The following PHF20L1 variants were observed in gnomAD, a reference collection of about 807,000 sequenced individuals.
The protein encoded by PHF20L1 is PHD finger protein 20 like 1, also known as PHD finger protein 20-like protein 1.
Under a neutral mutation model 125.5 loss-of-function variants are expected in PHF20L1, and 44 were observed. That is an observed-to-expected ratio of 0.35 (90% CI 0.28 to 0.45). The LOEUF (loss-of-function observed/expected upper bound fraction) is 0.45. Among genes scored for constraint, PHF20L1 ranks in the 20% least tolerant of loss-of-function variants. The pLI is 1.00. For synonymous variants in PHF20L1, 380 were observed against 403.1 expected (o/e 0.94, Z 0.69); for missense variants, 1,012 against 1,217.2 (o/e 0.83, Z 2.51).
At chr8:132,777,263 C>T (rs1386118655) in intron 1 of PHF20L1, among the ~76,000 whole-genome samples, 3 of 152,186 alleles carry the variant, frequency 2.0e-5, no homozygotes, top group African/African-American at 7.2e-5. Flanking sequence ...GTGGTATCTT[C>T]ACTGGCAGAG....
chr8:132,804,801 T>A, intron 8 of PHF20L1, 61 bp downstream of exon 8: 1 of 1,383,836 alleles, frequency 7.2e-7, no homozygotes, highest in Non-Finnish European at 1.0e-6. Context: ...TTAGAGTAAT[T>A]TATTTTTAAT....
intron 19 of PHF20L1, chr8:132,843,346 T>A (rs1196896350): frequency 1.0e-6 from 1 of 979,434 alleles, no homozygotes; most frequent in Non-Finnish European, 1.2e-6. Flanking sequence ...CTATGTGCAT[T>A]GGACATCTAT....
At chr8:132,788,725 G>T (rs1831338687) in intron 2 of PHF20L1, 1 of 152,044 alleles carries the variant, frequency 6.6e-6, no homozygotes, top group African/African-American at 2.4e-5. Flanking sequence ...TGAATGCAAA[G>T]AAATTTTTAA....
rs906148293 is a variant in PHF20L1, at chr8:132,846,284, T to G, written c.*361T>G. On this transcript the variant is annotated 3_prime_UTR_variant, in exon 21 of 21. Transcript: ENST00000395386. ...TATGGTATATTTGTATAGTTTTTAA[T>G]AGAAAGATCTATGTTTATAAACCAG... 5.7e-5 allele frequency: 9 copies of G among 159,198 alleles called. No homozygotes were observed. Among genetic ancestry groups the G allele is most frequent in the Non-Finnish European group, 1.2e-4 (9 of 72,382 alleles). 9.9% of individuals were successfully genotyped at this position (159,198 alleles called of 1,614,324 possible). A position where few individuals can be genotyped will look rare whatever the true frequency, so the allele number is the denominator to read the frequency against.
chr8:132,797,065 G>T (rs958559610), intron 4 of PHF20L1, among the ~76,000 whole-genome samples: 2 of 152,106 alleles, frequency 1.3e-5, no homozygotes, highest in African/African-American at 4.8e-5. Flanking sequence ...AGAAAATTCA[G>T]CTTACCTTAG....
At chr8:132,811,661 A>G in intron 9 of PHF20L1, 1 of 985,150 alleles carries the variant, frequency 1.0e-6, no homozygotes, top group Non-Finnish European at 1.2e-6. Context: ...CACCTAATAG[A>G]GGAATTTAAA....
chr8:132,800,687 G>T (rs1352385079), intron 6 of PHF20L1, among the ~76,000 whole-genome samples: 1 of 151,702 alleles, frequency 6.6e-6, no homozygotes, highest in Non-Finnish European at 1.5e-5. Flanking sequence ...GCAAACCTCC[G>T]AAGTAATTAA....
chr8:132,831,007 C>T (rs2131835969), intron 14 of PHF20L1, among the ~76,000 whole-genome samples: 1 of 152,132 alleles, frequency 6.6e-6, no homozygotes, highest in South Asian at 2.1e-4. Context: ...AAATCTTCCC[C>T]TTATTTGCCA....
chr8:132,811,995 T>C, intron 9 of PHF20L1: 2 of 982,408 alleles, frequency 2.0e-6, no homozygotes, highest in Non-Finnish European at 2.4e-6. Context: ...TGTATTGAGT[T>C]TTTCAGGGTT....
At chr8:132,833,322 A>G (rs1007266391) in intron 15 of PHF20L1, among the ~76,000 whole-genome samples, 1 of 152,090 alleles carries the variant, frequency 6.6e-6, no homozygotes, top group African/African-American at 2.4e-5. Flanking sequence ...GTTATGGAGA[A>G]AGCATTTTCT....
chr8:132,793,491 A>G (rs1222575920), intron 2 of PHF20L1, among the ~76,000 whole-genome samples: 1 of 152,178 alleles, frequency 6.6e-6, no homozygotes, highest in Admixed American at 6.5e-5. Context: ...TGAATTTAGC[A>G]AAAGCTAGGA....
chr8:132,778,036 T>G, intron 2 of PHF20L1, 125 bp downstream of exon 2: 3 of 618,508 alleles, frequency 4.9e-6, no homozygotes, highest in Non-Finnish European at 8.5e-6. Context: ...CGATTACACA[T>G]ATATGTTGTT....
At chr8:132,812,132 C>A (rs235432) in intron 9 of PHF20L1, 412,498 of 975,604 alleles carry the variant, frequency 0.42, 88,102 homozygotes, top group South Asian at 0.52. Context: ...TGTGATCATC[C>A]AACGGTTAAG....
At chr8:132,824,605 A>G (rs1292946236) in intron 13 of PHF20L1, 1 of 159,878 alleles carries the variant, frequency 6.3e-6, no homozygotes, top group African/African-American at 2.4e-5. Flanking sequence ...AGTTGGAGCA[A>G]TAGCTAGTAG....
intron 12 of PHF20L1, among the ~76,000 whole-genome samples, chr8:132,821,401 T>C (rs1481344919): frequency 2.0e-5 from 3 of 151,956 alleles, no homozygotes; most frequent in Non-Finnish European, 4.4e-5. Context: ...AAAAAGCATC[T>C]TGTCAGTTCT....
At position 132,817,446 on chromosome 8, in the gene PHF20L1, C is replaced by T. The variant is rs765873548; in HGVS notation, c.1480C>T (p.Arg494Cys). 5.6e-6 allele frequency: 9 copies of T among 1,612,348 alleles called. No homozygotes were observed. The highest frequency in any genetic ancestry group is 1.1e-5 in the South Asian group (1 of 91,054). ...ACCGGTAGCCTCAGATTCCTCTTACCGTAATGAATGTCCCAGGGCAGAAAA... is the reference window on the plus strand; with the variant it reads ...ACCGGTAGCCTCAGATTCCTCTTACTGTAATGAATGTCCCAGGGCAGAAAA... ...TAPVASDSSY[R>C]NECPRAEKED... Residue 494 changes from arginine to cysteine, a missense_variant, in exon 12 of 21, where the codon CGT (arginine) becomes TGT (cysteine). Physicochemically the swap from Arg to Cys is radical, Grantham distance 180. Around this residue, in one of 7 missense-constraint regions of PHF20L1, gnomAD observed 320 missense variants for 293.8 expected, o/e 1.09. Transcript: ENST00000395386.
At chr8:132,793,905 T>G (rs1459567670) in intron 2 of PHF20L1, among the ~76,000 whole-genome samples, 1 of 152,162 alleles carries the variant, frequency 6.6e-6, no homozygotes, top group African/African-American at 2.4e-5. Context: ...TAAATAGAGT[T>G]CTTGTTTTTT....
chr8:132,840,656 A>G (rs1253745780), intron 18 of PHF20L1, among the ~76,000 whole-genome samples: 3 of 152,190 alleles, frequency 2.0e-5, no homozygotes, highest in East Asian at 1.9e-4. Flanking sequence ...CCCTAAATGA[A>G]GCAAGCTTTT....
intron 6 of PHF20L1, chr8:132,799,663 T>C (rs1832816377): frequency 6.6e-6 from 1 of 152,258 alleles, no homozygotes. Flanking sequence ...TTCCATACCA[T>C]GCGGTGAAAA....
Sources: allele counts gnomAD v4.1 joint callset (sites outside exome capture counted in the v4.1 genomes callset), GRCh38; gene constraint gnomAD v4.1.1; regional missense constraint gnomAD v4.1.1; transcripts MANE v1.5; gene names NCBI Gene and HGNC (gene_info 2026-07-23, HGNC 2026-07-21).